The following NRK variants were observed in gnomAD, a reference collection of about 807,000 sequenced individuals.
NRK encodes the protein nik-related protein kinase.
Under a neutral mutation model 125.2 loss-of-function variants are expected in NRK, and 67 were observed. That is an observed-to-expected ratio of 0.54 (90% CI 0.44 to 0.66). The LOEUF is 0.66. Among genes scored for constraint, NRK ranks in the 30% least tolerant of loss-of-function variants. NRK has a pLI of 0.00. For missense variants in NRK, 1,224 were observed against 1,192.9 expected (o/e 1.03, Z -0.38); for synonymous variants, 458 against 429.0 (o/e 1.07, Z -0.84).
At chrX:105,827,942 A>C (rs934426212) in intron 1 of NRK, among the ~76,000 whole-genome samples, 1 of 111,530 alleles carries the variant, frequency 9.0e-6, no homozygotes, top group Non-Finnish European at 1.9e-5. Context: ...GAAAGGACCA[A>C]ATAATTATGG....
chrX:105,875,753 G>A (rs904374054), intron 2 of NRK, among the ~76,000 whole-genome samples: 1 of 110,587 alleles, frequency 9.0e-6, no homozygotes, highest in Non-Finnish European at 1.9e-5. Context: ...GATTCTAAAT[G>A]CCAATAGACT....
At position 105,923,171 on chromosome X, in the gene NRK, C is replaced by A; in HGVS notation, c.2664C>A (p.Asn888Lys). The change falls in exon 18 of 29, where the codon AAC becomes AAA. Residue 888 changes from asparagine (N) to lysine (K), a missense_variant. Asn to Lys is a moderately conservative substitution (Grantham distance 94). Transcript: ENST00000243300. ...TATCACCCCCTGTATACTTGACAAA[C>A]GAATGGGTAGGCTATAATGCACTCT... Reference protein sequence around the residue: ...GKISPPVYLTNEWVGYNALSE... With the variant: ...GKISPPVYLTKEWVGYNALSE... 1 of 1,202,857 alleles carries A rather than the reference C, an allele frequency of 8.3e-7. No individual in the cohort carries two copies. Among genetic ancestry groups the A allele is most frequent in the Non-Finnish European group, 1.1e-6 (1 of 888,067 alleles).
chrX:105,892,641 A>G (rs1220358266), intron 5 of NRK, among the ~76,000 whole-genome samples: 1 of 111,681 alleles, frequency 9.0e-6, no homozygotes, highest in Non-Finnish European at 1.9e-5. Context: ...CACAGTGTAC[A>G]TGTTGTGCCC....
At chrX:105,872,655 A>G (rs2039762756) in intron 2 of NRK, among the ~76,000 whole-genome samples, 1 of 111,626 alleles carries the variant, frequency 9.0e-6, no homozygotes, top group Non-Finnish European at 1.9e-5. Flanking sequence ...GTTGAGCTTG[A>G]CAATGGTGAT....
At chrX:105,873,540 T>A (rs1325093143) in intron 2 of NRK, among the ~76,000 whole-genome samples, 1 of 111,933 alleles carries the variant, frequency 8.9e-6, no homozygotes, top group Non-Finnish European at 1.9e-5. Context: ...CTGTCTTCTA[T>A]TAAACAAGAT....
chrX:105,945,071 C>A (rs1051352246), intron 24 of NRK, among the ~76,000 whole-genome samples: 1 of 111,962 alleles, frequency 8.9e-6, no homozygotes, highest in Non-Finnish European at 1.9e-5. Context: ...GAACTGGCAG[C>A]ATTCTATCAT....
At chrX:105,949,386 A>G (rs1364552321) in intron 26 of NRK, among the ~76,000 whole-genome samples, 189 bp from the exon 27 acceptor site, 2 of 112,088 alleles carry the variant, frequency 1.8e-5, no homozygotes, top group Non-Finnish European at 3.8e-5. Context: ...ACAGTTATGA[A>G]TTTATGACAT....
chrX:105,826,294 CAT>C lies in NRK; in HGVS notation c.57+3400_57+3401del, dbSNP rs1387628210. ...ATAATATATATGAAATATATATTAT[CAT>C]ATATATAATAGATAATATATATTTC... On this transcript the variant is annotated intron_variant, in intron 1 of 28. Coordinates refer to ENST00000243300, the MANE Select transcript of NRK (RefSeq NM_198465.4). Among the ~76,000 whole-genome samples the C allele has an allele frequency of 1.5e-3, 112 of 74,659 alleles. 1 individual carries two copies. The highest frequency in any genetic ancestry group is 5.4e-3 in the African/African-American group (100 of 18,554). The allele number at this position is 74,659 out of a possible 115,157, so 64.8% of individuals were successfully genotyped here.
intron 2 of NRK, among the ~76,000 whole-genome samples, chrX:105,841,449 A>C (rs184055300): frequency 8.9e-6 from 1 of 112,053 alleles, no homozygotes; most frequent in East Asian, 2.8e-4. Context: ...AATTGTAGAA[A>C]TTATGATATG....
chrX:105,828,207 G>A (rs2039140749), intron 1 of NRK, among the ~76,000 whole-genome samples: 1 of 111,975 alleles, frequency 8.9e-6, no homozygotes, highest in East Asian at 2.8e-4. Context: ...AAACAATATA[G>A]TCTTAGAATA....
chrX:105,941,555 AAGAG>A (rs771874766), intron 23 of NRK, among the ~76,000 whole-genome samples: 1,221 of 85,207 alleles, frequency 0.014, 10 homozygotes, highest in Middle Eastern at 0.018. Flanking sequence ...GAGAGACAGA[AAGAG>A]AGAGAGAGAG....
chrX:105,929,999 T>C (rs986905177), intron 19 of NRK, among the ~76,000 whole-genome samples: 1 of 111,870 alleles, frequency 8.9e-6, no homozygotes, highest in Non-Finnish European at 1.9e-5. Context: ...TTGCTGTTTT[T>C]AGTATTCTCT....
At chrX:105,865,349 A>G (rs2039655687) in intron 2 of NRK, among the ~76,000 whole-genome samples, 1 of 111,454 alleles carries the variant, frequency 9.0e-6, no homozygotes, top group Admixed American at 9.6e-5. Context: ...CATGAAGAGT[A>G]TAGGCATTTT....
chrX:105,830,798 C>T (rs1174927245), intron 1 of NRK, among the ~76,000 whole-genome samples: 2 of 94,833 alleles, frequency 2.1e-5, no homozygotes, highest in East Asian at 6.6e-4. Flanking sequence ...CACTTGGACA[C>T]AGGAAGGGGA....
chrX:105,927,591 C>T lies in NRK; in HGVS notation c.3312+2560C>T, dbSNP rs776752632. On this transcript the variant is annotated intron_variant, in intron 19 of 28. Transcript: ENST00000243300. ...GGAAAGAATTTCAGCTTCTCTCATT[C>T]AGTGTGATGTTAGCTGTGGGTTTTT... is the stretch of plus-strand genomic sequence containing the variant. Among the ~76,000 whole-genome samples, 55 of 111,374 alleles carry T rather than the reference C, an allele frequency of 4.9e-4. 1 individual carries two copies. The highest frequency in any genetic ancestry group is 9.5e-5 in the Admixed American group (1 of 10,478).
At chrX:105,831,989 G>A (rs1459969442) in intron 2 of NRK, among the ~76,000 whole-genome samples, 3 of 111,428 alleles carry the variant, frequency 2.7e-5, no homozygotes, top group East Asian at 2.8e-4. Context: ...GAGGATATGC[G>A]TAAGTTATAT....
chrX:105,915,296 A>G (rs888931625), intron 14 of NRK, among the ~76,000 whole-genome samples: 1 of 110,989 alleles, frequency 9.0e-6, no homozygotes, highest in African/African-American at 3.3e-5. Context: ...AGTGTATAAG[A>G]ATTAGAACTT....
At position 105,915,813 on chromosome X, in the gene NRK, T is replaced by G; in HGVS notation, c.2417+16T>G. ...TCTCTTCAAGGTATGTGTCTTTGAT[T>G]TCTATATTAAAATTATTCATAATTA... On this transcript the variant is annotated intron_variant, in intron 15 of 28. Coordinates refer to ENST00000243300, the MANE Select transcript of NRK (RefSeq NM_198465.4). 1 of 921,525 alleles carries G rather than the reference T, an allele frequency of 1.1e-6. No homozygotes were observed. The highest frequency in any genetic ancestry group is 1.6e-6 in the Non-Finnish European group (1 of 640,640). The allele number at this position is 921,525 out of a possible 1,213,427, so 75.9% of individuals were successfully genotyped here.
intron 2 of NRK, among the ~76,000 whole-genome samples, chrX:105,870,117 A>G (rs745971417): frequency 3.6e-4 from 40 of 111,707 alleles, no homozygotes; most frequent in Non-Finnish European, 6.6e-4. Context: ...TGAATATGTA[A>G]GTCATTCCAA....
Sources: gnomAD v4.1 joint callset for allele counts (sites outside exome capture counted in the v4.1 genomes callset) on GRCh38, gnomAD v4.1.1 for gene constraint, MANE v1.5 for transcripts, NCBI Gene and HGNC (gene_info 2026-07-23, HGNC 2026-07-21) for gene names.